The following RANBP2 variants were observed in gnomAD, a reference collection of about 807,000 sequenced individuals.
RANBP2 encodes RAN binding protein 2, also known as E3 SUMO-protein ligase RanBP2.
RANBP2 carries 57 observed loss-of-function variants against 303.6 expected under a neutral mutation model. The ratio of observed to expected loss-of-function variants is 0.19; its 90% confidence interval spans 0.15 to 0.23. The LOEUF is 0.23. Among genes scored for constraint, RANBP2 ranks in the 10% least tolerant of loss-of-function variants. The pLI, the probability that RANBP2 is intolerant of heterozygous loss-of-function variation, is 1.00. For synonymous variants in RANBP2, 1,167 were observed against 1,301.5 expected, an observed-to-expected ratio of 0.90 and a Z score of 2.23; for missense variants, 3,138 against 3,780.8, an observed-to-expected ratio of 0.83 and a Z score of 4.46.
At chr2:108,863,442 G>C in the RANBP2 span, among the ~76,000 whole-genome samples, 8 of 152,168 alleles carry the variant, frequency 5.3e-5, no homozygotes, top group African/African-American at 1.9e-4. Flanking sequence ...AAAAACATCA[G>C]AGAAGCCAGT....
At chr2:109,354,458 G>C in the RANBP2 span, among the ~76,000 whole-genome samples, 1 of 152,262 alleles carries the variant, frequency 6.6e-6, no homozygotes, top group Admixed American at 6.5e-5. Context: ...GGCCAGGCAG[G>C]GACTGCTTCT....
At chr2:109,373,763 TC>T in the RANBP2 span, among the ~76,000 whole-genome samples, 2 of 152,254 alleles carry the variant, frequency 1.3e-5, no homozygotes, top group South Asian at 4.1e-4. Flanking sequence ...TTTACACACT[TC>T]TAACTGCAAT....
chr2:108,991,149 A>G, the RANBP2 span, among the ~76,000 whole-genome samples: 1 of 152,236 alleles, frequency 6.6e-6, no homozygotes, highest in Non-Finnish European at 1.5e-5. Context: ...CCTCTCTTTG[A>G]AAAAAATCCA....
At chr2:109,257,862 T>C in the RANBP2 span, among the ~76,000 whole-genome samples, 1 of 152,142 alleles carries the variant, frequency 6.6e-6, no homozygotes, top group Non-Finnish European at 1.5e-5. Flanking sequence ...TGAGTCACAG[T>C]AAACACAGAC....
chr2:109,721,810 G>A, the RANBP2 span, among the ~76,000 whole-genome samples: 1 of 152,186 alleles, frequency 6.6e-6, no homozygotes, highest in Non-Finnish European at 1.5e-5. Context: ...TGGCAAGGTG[G>A]CCCTACAACG....
chr2:109,350,571 T>A, the RANBP2 span, among the ~76,000 whole-genome samples: 1 of 152,220 alleles, frequency 6.6e-6, no homozygotes, highest in Non-Finnish European at 1.5e-5. Flanking sequence ...TGTTCTGTCC[T>A]GTTGCATCTC....
At chr2:109,249,467 CTCTT>C in the RANBP2 span, among the ~76,000 whole-genome samples, 6 of 99,374 alleles carry the variant, frequency 6.0e-5, no homozygotes, top group South Asian at 2.0e-3. Context: ...TTCTCTCTTT[CTCTT>C]TCTTTCTTTC....
chr2:108,730,950 A>G lies in RANBP2; in HGVS notation c.252+65A>G, dbSNP rs1446343351. 16 of 1,539,242 alleles carry G rather than the reference A, an allele frequency of 1.0e-5. No homozygotes were observed. The East Asian group carries it at 1.1e-4, about 11-fold the overall frequency. ...ACACATGATGCCCAGAGAAATTTAT[A>G]TAAGTAAGTCAAATATATTTTATGA... On this transcript the variant is annotated intron_variant, in intron 3 of 28. Transcript: ENST00000283195.
At chr2:109,719,729 G>A in the RANBP2 span, among the ~76,000 whole-genome samples, 6 of 151,934 alleles carry the variant, frequency 3.9e-5, no homozygotes, top group East Asian at 3.9e-4. Context: ...TAATAAAGCC[G>A]TTAAAAAAAT....
At chr2:109,718,473 T>C in the RANBP2 span, among the ~76,000 whole-genome samples, 17 of 152,284 alleles carry the variant, frequency 1.1e-4, no homozygotes, top group African/African-American at 3.6e-4. Flanking sequence ...CAAAAGACCA[T>C]ATATTATAGG....
At chr2:109,688,504 T>C in the RANBP2 span, among the ~76,000 whole-genome samples, 6 of 152,192 alleles carry the variant, frequency 3.9e-5, no homozygotes, top group South Asian at 2.1e-4. Flanking sequence ...TTGCAGGACA[T>C]GGCAGCTCAC....
At chr2:109,629,343 ATATATATATATATTTT>A in the RANBP2 span, among the ~76,000 whole-genome samples, 85 of 7,058 alleles carry the variant, frequency 0.012, 1 homozygote, top group Non-Finnish European at 0.014. Flanking sequence ...ATATATATAT[ATATATATATATATTTT>A]TTTTTTTTTT....
At chr2:108,940,564 G>C in the RANBP2 span, among the ~76,000 whole-genome samples, 4 of 152,266 alleles carry the variant, frequency 2.6e-5, no homozygotes, top group African/African-American at 7.2e-5. Flanking sequence ...GCGGAGGTGA[G>C]AGCAGCCAGG....
At chr2:109,314,948 T>C in the RANBP2 span, among the ~76,000 whole-genome samples, 1 of 152,216 alleles carries the variant, frequency 6.6e-6, no homozygotes, top group South Asian at 2.1e-4. Context: ...AATCTCATTC[T>C]TGGCAAAGCC....
chr2:109,726,098 T>TG, the RANBP2 span, among the ~76,000 whole-genome samples: 93 of 148,504 alleles, frequency 6.3e-4, no homozygotes, highest in South Asian at 1.5e-3. Context: ...TGTGTGTGTG[T>TG]TTGTGTTTTC....
chr2:109,158,416 G>C, the RANBP2 span, among the ~76,000 whole-genome samples: 1 of 152,162 alleles, frequency 6.6e-6, no homozygotes, highest in East Asian at 1.9e-4. Flanking sequence ...GCCTTCGTGG[G>C]TCATTGGGCA....
the RANBP2 span, among the ~76,000 whole-genome samples, chr2:108,843,014 CAAGAA>C: frequency 2.0e-5 from 3 of 152,168 alleles, no homozygotes; most frequent in African/African-American, 7.2e-5. Flanking sequence ...TTATAGAACT[CAAGAA>C]GAGAAGGAAA....
the RANBP2 span, chr2:109,129,884 T>C: frequency 6.6e-7 from 1 of 1,520,590 alleles, no homozygotes; most frequent in Non-Finnish European, 8.8e-7. Flanking sequence ...ATCTTGCTGG[T>C]GCGACTGCTG....
chr2:109,646,893 G>C, the RANBP2 span, among the ~76,000 whole-genome samples: 6 of 152,090 alleles, frequency 3.9e-5, no homozygotes, highest in Non-Finnish European at 8.8e-5. Flanking sequence ...TCTATTTTGG[G>C]TGTAAGCAAA....
Sources: gnomAD v4.1 joint callset for allele counts (sites outside exome capture counted in the v4.1 genomes callset) on GRCh38, gnomAD v4.1.1 for gene constraint, MANE v1.5 for transcripts, NCBI Gene and HGNC (gene_info 2026-07-23, HGNC 2026-07-21) for gene names.